The following PHLPP1 variants were observed in gnomAD, a reference collection of about 807,000 sequenced individuals.
PHLPP1 encodes PH domain leucine-rich repeat-containing protein phosphatase 1.
Under a neutral mutation model 117.2 loss-of-function variants are expected in PHLPP1, and 42 were observed. That is an observed-to-expected ratio of 0.36 (90% CI 0.28 to 0.46). The LOEUF (loss-of-function observed/expected upper bound fraction) is 0.46. Ranked by LOEUF, PHLPP1 falls within the 20% of genes least tolerant of loss-of-function variation. The pLI, the probability that PHLPP1 is intolerant of heterozygous loss-of-function variation, is 1.00. For synonymous variants in PHLPP1, 1,042 were observed against 970.7 expected (o/e 1.07, Z -1.37); for missense variants, 2,084 against 2,241.9 (o/e 0.93, Z 1.42).
intron 1 of PHLPP1, among the ~76,000 whole-genome samples, chr18:62,723,043 G>A (rs1406244719): frequency 6.6e-6 from 1 of 152,158 alleles, no homozygotes; most frequent in African/African-American, 2.4e-5. Context: ...AATGCCACAT[G>A]CATACTGAAG....
chr18:62,924,676 GAAAAAAAA>G (rs35464959), intron 10 of PHLPP1, among the ~76,000 whole-genome samples: 12 of 93,610 alleles, frequency 1.3e-4, no homozygotes, highest in South Asian at 8.5e-4. Context: ...ACTACAAATT[GAAAAAAAA>G]AAAAAAAAAA....
rs760220288 is a variant in PHLPP1, at chr18:62,716,843, C to G, written c.1160C>G (p.Pro387Arg). Residue 387 changes from proline (P) to arginine (R), a missense_variant, in exon 1 of 17, where the codon CCG (proline) becomes CGG (arginine). This residue lies in a region of PHLPP1 where 719 missense variants were observed against 636.0 expected (regional missense o/e 1.13). Transcript: ENST00000262719. The surrounding 1 kb of genome is among the most constrained non-coding windows in gnomAD (Gnocchi z 5.7). ...CTCGAGGCCGACGCAGCCTCGGCCC[C>G]GACGGGGGTCCCGGGCCAGCCCCGC... is the stretch of plus-strand genomic sequence containing the variant. The part of the protein sequence containing the change: ...EELEADAASA[P>R]TGVPGQPRRP... 6.6e-7 allele frequency: 1 copy of G among 1,523,944 alleles called. No homozygotes were observed. Among genetic ancestry groups the G allele is most frequent in the African/African-American group, 1.4e-5 (1 of 70,696 alleles). The allele number at this position is 1,523,944 out of a possible 1,614,324, so 94.4% of individuals were successfully genotyped here. A position where few individuals can be genotyped will look rare whatever the true frequency, so the allele number is the denominator to read the frequency against.
chr18:62,940,313 C>G (rs1004586716), intron 10 of PHLPP1, among the ~76,000 whole-genome samples: 19 of 134,130 alleles, frequency 1.4e-4, no homozygotes, highest in African/African-American at 4.6e-4. Context: ...AGTTATAAAA[C>G]CATTCTTTAT....
chr18:62,742,048 C>G (rs556854162), intron 1 of PHLPP1, among the ~76,000 whole-genome samples: 1 of 151,928 alleles, frequency 6.6e-6, no homozygotes, highest in Non-Finnish European at 1.5e-5. Context: ...GCTACAAAGG[C>G]CTTTGAGGCC....
chr18:62,832,824 A>G (rs62098625), intron 2 of PHLPP1, among the ~76,000 whole-genome samples: 1 of 151,806 alleles, frequency 6.6e-6, no homozygotes, highest in African/African-American at 2.4e-5. Context: ...TTTTCTTTTT[A>G]ATTTAGATAT....
chr18:62,789,693 C>G (rs1045635651), intron 1 of PHLPP1, among the ~76,000 whole-genome samples: 4 of 152,068 alleles, frequency 2.6e-5, no homozygotes, highest in African/African-American at 9.7e-5. Flanking sequence ...GCTTTTGTTT[C>G]TTTATGCTGC....
intron 1 of PHLPP1, among the ~76,000 whole-genome samples, chr18:62,735,094 G>A (rs899329099): frequency 1.3e-5 from 2 of 151,352 alleles, no homozygotes; most frequent in Non-Finnish European, 2.9e-5. Flanking sequence ...GCTTAGACGG[G>A]AGTGTAGTGG....
At chr18:62,851,916 A>G in intron 3 of PHLPP1, among the ~76,000 whole-genome samples, 1 of 151,556 alleles carries the variant, frequency 6.6e-6, no homozygotes, top group Non-Finnish European at 1.5e-5. Context: ...TCCCTCTGTC[A>G]CCCATGCTGG....
chr18:62,805,486 T>A (rs1317131358), intron 1 of PHLPP1, among the ~76,000 whole-genome samples: 2 of 151,988 alleles, frequency 1.3e-5, no homozygotes, highest in African/African-American at 4.8e-5. Context: ...GCTTCCTGAG[T>A]AACTAGGACT....
Position 62,731,238 on chromosome 18 carries a change from C to T in PHLPP1, c.1576+13979C>T, listed in dbSNP as rs764880590. 5.3e-5 allele frequency: 8 copies of T among 152,024 alleles called. No homozygotes were observed. The East Asian group carries it at 7.7e-4, about 15-fold the overall frequency. 9.4% of individuals were successfully genotyped at this position (152,024 alleles called of 1,614,324 possible). The stretch of plus-strand genomic sequence containing the variant: ...ATAATTTTTTAAAAAAAATAGGGAA[C>T]GTTTCATGAATTTGCATGTCATCCT... On this transcript the variant is annotated intron_variant, in intron 1 of 16. Coordinates refer to ENST00000262719, the MANE Select transcript of PHLPP1 (RefSeq NM_194449.4).
chr18:62,836,641 T>C (rs768776748), intron 2 of PHLPP1, among the ~76,000 whole-genome samples: 1 of 151,860 alleles, frequency 6.6e-6, no homozygotes, highest in East Asian at 1.9e-4. Flanking sequence ...CATTTTTTTG[T>C]TTGCTGGATG....
chr18:62,960,939 A>G (rs992906362), intron 13 of PHLPP1, among the ~76,000 whole-genome samples: 9 of 152,202 alleles, frequency 5.9e-5, no homozygotes, highest in Non-Finnish European at 1.3e-4. Flanking sequence ...TGAGCCGATT[A>G]AGTGCATATG....
At chr18:62,882,910 GTATT>G (rs1247613133) in intron 4 of PHLPP1, among the ~76,000 whole-genome samples, 1 of 144,884 alleles carries the variant, frequency 6.9e-6, no homozygotes, top group African/African-American at 2.5e-5. Context: ...ATCTATTTAT[GTATT>G]TATTTATTTT....
At chr18:62,962,588 C>T (rs1490889831) in intron 13 of PHLPP1, among the ~76,000 whole-genome samples, 2 of 152,164 alleles carry the variant, frequency 1.3e-5, no homozygotes, top group Admixed American at 1.3e-4. Context: ...GGATTACAGG[C>T]GTGAGCCACC....
chr18:62,778,214 A>G (rs1006994236), intron 1 of PHLPP1, among the ~76,000 whole-genome samples: 4 of 152,106 alleles, frequency 2.6e-5, no homozygotes, highest in African/African-American at 4.8e-5. Context: ...CACCTCCTAG[A>G]CCATTGTGAT....
At chr18:62,788,234 T>C (rs8099065) in intron 1 of PHLPP1, among the ~76,000 whole-genome samples, 32,432 of 151,888 alleles carry the variant, frequency 0.21, 5,176 homozygotes, top group African/African-American at 0.45. Flanking sequence ...CTCCGGGAGG[T>C]GGATCCGCTT....
At chr18:62,920,739 T>C (rs1224264341) in intron 10 of PHLPP1, among the ~76,000 whole-genome samples, 1 of 152,098 alleles carries the variant, frequency 6.6e-6, no homozygotes, top group Non-Finnish European at 1.5e-5. Context: ...TTTTGTATTT[T>C]TAGTAGAGGT....
chr18:62,864,772 A>G (rs1250142452), intron 4 of PHLPP1, among the ~76,000 whole-genome samples: 1 of 152,226 alleles, frequency 6.6e-6, no homozygotes, highest in Non-Finnish European at 1.5e-5. Flanking sequence ...CAGGATTTTT[A>G]CATTACCCAT....
chr18:62,846,072 G>T (rs1051651583), intron 3 of PHLPP1, among the ~76,000 whole-genome samples: 3 of 152,044 alleles, frequency 2.0e-5, no homozygotes, highest in African/African-American at 7.2e-5. Context: ...AGCCAGGCAT[G>T]GTGGCAGGTG....
Sources: gnomAD v4.1 joint callset for allele counts (sites outside exome capture counted in the v4.1 genomes callset) on GRCh38, gnomAD v4.1.1 for gene constraint, gnomAD v4.1.1 regional missense constraint, Gnocchi (gnomAD v3.1) non-coding constraint, MANE v1.5 for transcripts, NCBI Gene and HGNC (gene_info 2026-07-23, HGNC 2026-07-21) for gene names.